Variants in PTPN2 observed in about 807,000 individuals in gnomAD.
PTPN2 encodes the protein protein tyrosine phosphatase non-receptor type 2.
A neutral mutation model predicts 57.3 loss-of-function variants in PTPN2; 19 were observed. The ratio of observed to expected loss-of-function variants is 0.33; its 90% CI spans 0.23 to 0.49. The LOEUF (loss-of-function observed/expected upper bound fraction) is 0.49. Among genes scored for constraint, PTPN2 ranks in the 20% least tolerant of loss-of-function variants. PTPN2 has a pLI of 0.99. For missense variants in PTPN2, 358 were observed against 501.1 expected, an observed-to-expected ratio of 0.71 and a Z score of 2.73; for synonymous variants, 153 against 164.9, an observed-to-expected ratio of 0.93 and a Z score of 0.55.
intron 1 of PTPN2, among the ~76,000 whole-genome samples, chr18:12,878,545 C>G (rs905398776): frequency 6.6e-6 from 1 of 151,842 alleles, no homozygotes; most frequent in Non-Finnish European, 1.5e-5. Flanking sequence ...TGGTGGGCAC[C>G]TGTAATCCCA....
intron 9 of PTPN2, chr18:12,786,030 C>G (rs2040835787): frequency 1.2e-5 from 7 of 571,506 alleles, no homozygotes; most frequent in Non-Finnish European, 2.1e-5. Context: ...GGCTGGGGTG[C>G]TGGATTTCCA....
chr18:12,812,972 G>A (rs1425075982), intron 7 of PTPN2, among the ~76,000 whole-genome samples: 3 of 150,898 alleles, frequency 2.0e-5, no homozygotes, highest in Non-Finnish European at 4.4e-5. Flanking sequence ...GATAAAAAAA[G>A]ATCCACCCTC....
intron 8 of PTPN2, among the ~76,000 whole-genome samples, chr18:12,795,544 C>T (rs2041145337): frequency 6.6e-6 from 1 of 152,172 alleles, no homozygotes; most frequent in Non-Finnish European, 1.5e-5. Flanking sequence ...ATCCGCCCAC[C>T]TCAGCCTCCC....
Position 12,793,791 on chromosome 18 carries a change from C to T in PTPN2, c.*487G>A, listed in dbSNP as rs2041060856. 1.1e-6 allele frequency: 1 copy of T among 935,456 alleles called. No individual in the cohort carries two copies. Among genetic ancestry groups the T allele is most frequent in the South Asian group, 4.9e-5 (1 of 20,568 alleles). The allele number at this position is 935,456 out of a possible 1,614,324, so 57.9% of individuals were successfully genotyped here. ...AATAGATACTTATAAAATATATTTA[C>T]CCTGAAATGCTTAAGAATAAAAGTG... On this transcript the variant is annotated 3_prime_UTR_variant, in exon 9 of 9. Transcript: ENST00000309660.
intron 7 of PTPN2, among the ~76,000 whole-genome samples, chr18:12,809,223 G>A (rs1216374821): frequency 6.6e-6 from 1 of 152,128 alleles, no homozygotes; most frequent in African/African-American, 2.4e-5. Context: ...TATGAAAGAG[G>A]ATGTCATCAT....
chr18:12,794,587 TTCACCC>T, intron 8 of PTPN2, 102 bp from the exon 9 acceptor site: 1 of 1,371,614 alleles, frequency 7.3e-7, no homozygotes. Context: ...CCACATAGTT[TTCACCC>T]TATTTGAACA....
At chr18:12,843,255 G>C (rs2145420127) in intron 2 of PTPN2, among the ~76,000 whole-genome samples, 1 of 152,186 alleles carries the variant, frequency 6.6e-6, no homozygotes, top group East Asian at 1.9e-4. Context: ...CTGTTTTCTT[G>C]TCTGTCAAAA....
At chr18:12,867,065 G>A (rs1324830687) in intron 1 of PTPN2, among the ~76,000 whole-genome samples, 1 of 151,052 alleles carries the variant, frequency 6.6e-6, no homozygotes, top group East Asian at 1.9e-4. Context: ...GGCCAAGGCA[G>A]GAGGATCATT....
intron 5 of PTPN2, among the ~76,000 whole-genome samples, chr18:12,820,845 GCAAAATCCCATTTA>G (rs985505646): frequency 1.3e-5 from 2 of 152,122 alleles, no homozygotes; most frequent in Non-Finnish European, 2.9e-5. Flanking sequence ...CTGTTCTAAG[GCAAAATCCCATTTA>G]CATTTTTAAA....
chr18:12,789,126 G>A (rs1454707129), downstream of PTPN2, among the ~76,000 whole-genome samples: 2 of 152,188 alleles, frequency 1.3e-5, no homozygotes, highest in East Asian at 3.9e-4. Context: ...ACCAAGGCAT[G>A]TCACCCCTTA....
intron 1 of PTPN2, among the ~76,000 whole-genome samples, chr18:12,861,317 C>T (rs542354952): frequency 1.3e-5 from 2 of 152,320 alleles, no homozygotes; most frequent in East Asian, 1.9e-4. Flanking sequence ...AGTTAATTGA[C>T]TTAATACCAT....
chr18:12,882,095 A>T (rs184069342), intron 1 of PTPN2, among the ~76,000 whole-genome samples: 1 of 152,226 alleles, frequency 6.6e-6, no homozygotes, highest in Non-Finnish European at 1.5e-5. Context: ...GGGTCCGGGC[A>T]TATTTGTGGA....
chr18:12,845,559 C>T (rs1465044478), intron 2 of PTPN2, among the ~76,000 whole-genome samples: 1 of 152,152 alleles, frequency 6.6e-6, no homozygotes, highest in East Asian at 1.9e-4. Flanking sequence ...TCGTTTAACT[C>T]ACTTATTAGT....
At chr18:12,881,478 C>CA (rs1261768647) in intron 1 of PTPN2, among the ~76,000 whole-genome samples, 2 of 152,130 alleles carry the variant, frequency 1.3e-5, no homozygotes, top group Non-Finnish European at 2.9e-5. Flanking sequence ...TCCAGACTTA[C>CA]AATTCCACAA....
intron 1 of PTPN2, among the ~76,000 whole-genome samples, chr18:12,881,327 C>T (rs1240570118): frequency 2.0e-5 from 3 of 152,078 alleles, no homozygotes; most frequent in South Asian, 2.1e-4. Context: ...ATTTCAACTA[C>T]GCAGGAGGCT....
At chr18:12,838,201 T>G (rs1279328538) in intron 2 of PTPN2, among the ~76,000 whole-genome samples, 1 of 152,214 alleles carries the variant, frequency 6.6e-6, no homozygotes, top group Non-Finnish European at 1.5e-5. Context: ...TATTTCCTCA[T>G]GTTGTAATCA....
Position 12,883,928 on chromosome 18 carries a change from C to T in PTPN2, c.69+145G>A, listed in dbSNP as rs905459167. On this transcript the variant is annotated intron_variant, in intron 1 of 8. Coordinates refer to ENST00000309660, the MANE Select transcript of PTPN2 (RefSeq NM_002828.4). ...CAAGAGAGCGGTCAGCGCAGGCGCG[C>T]CCCTGACGCGGACCGCGCCGCCACT... 6.5e-6 allele frequency: 4 copies of T among 618,330 alleles called. No homozygotes were observed. The African/African-American group carries it at 7.9e-5, about 12-fold the overall frequency. The allele number at this position is 618,330 out of a possible 1,614,324, so 38.3% of individuals were successfully genotyped here.
At chr18:12,883,945 G>T in intron 1 of PTPN2, 128 bp downstream of exon 1, 1 of 696,918 alleles carries the variant, frequency 1.4e-6, no homozygotes, top group Non-Finnish European at 2.2e-6. Flanking sequence ...CGCGGACCGC[G>T]CCGCCACTTC....
At chr18:12,845,206 C>A (rs950213378) in intron 2 of PTPN2, among the ~76,000 whole-genome samples, 1 of 152,140 alleles carries the variant, frequency 6.6e-6, no homozygotes, top group African/African-American at 2.4e-5. Flanking sequence ...GAAATTCTGA[C>A]AGAAATTGTG....
Sources: gnomAD v4.1 joint callset for allele counts (sites outside exome capture counted in the v4.1 genomes callset) on GRCh38, gnomAD v4.1.1 for gene constraint, MANE v1.5 for transcripts, NCBI Gene and HGNC (gene_info 2026-07-23, HGNC 2026-07-21) for gene names.